The following RELN variants were observed in gnomAD, a reference collection of about 807,000 sequenced individuals.
The protein encoded by RELN is reelin.
A neutral mutation model predicts 427.6 loss-of-function variants in RELN; 108 were observed. The ratio of observed to expected loss-of-function variants is 0.25; its 90% CI spans 0.22 to 0.30. RELN has a LOEUF of 0.30. RELN is among the 10% of genes least tolerant of loss of function. The pLI, the probability that RELN is intolerant of heterozygous loss-of-function variation, is 1.00. For missense variants in RELN, 3,715 were observed against 4,302.8 expected (o/e 0.86, Z 3.82); for synonymous variants, 1,524 against 1,513.4 (o/e 1.01, Z -0.16).
intron 2 of RELN, among the ~76,000 whole-genome samples, chr7:103,880,987 C>A (rs1156254294): frequency 2.6e-5 from 4 of 152,156 alleles, no homozygotes; most frequent in Non-Finnish European, 5.9e-5. Context: ...AACCACCACA[C>A]CCAGCCTATT....
At position 103,636,460 on chromosome 7, in the gene RELN, G is replaced by C. The variant is rs1832583360; in HGVS notation, c.2078C>G (p.Pro693Arg). Residue 693 changes from proline (P) to arginine (R), a missense_variant, in exon 18 of 65, where the codon CCT becomes CGT. Around this residue, in one of 4 missense-constraint regions of RELN, gnomAD observed 2,208 missense variants for 2,361.7 expected, o/e 0.93. Coordinates refer to ENST00000428762, the MANE Select transcript of RELN (RefSeq NM_005045.4). ...CTCACAAGCTGGGCCAGAAAATCCA[G>C]GGTCACACCTGAAAGAAATATGGTG... Reference protein sequence around the residue: ...QCTRHGCKCDPGFSGPACEMA... With the variant: ...QCTRHGCKCDRGFSGPACEMA... 4 of 1,602,710 alleles carry C rather than the reference G, an allele frequency of 2.5e-6. No homozygotes were observed. In the East Asian group the frequency reaches 8.9e-5, roughly 36 times the overall value.
intron 2 of RELN, among the ~76,000 whole-genome samples, chr7:103,886,940 T>A (rs1794737495): frequency 6.6e-6 from 1 of 152,178 alleles, no homozygotes; most frequent in African/African-American, 2.4e-5. Flanking sequence ...TGTAGCAGGA[T>A]AATATACAAA....
Position 103,851,242 on chromosome 7 carries a change from A to G in RELN, c.338-17570T>C, listed in dbSNP as rs925380142. On this transcript the variant is annotated intron_variant, in intron 2 of 64. Coordinates refer to ENST00000428762, the MANE Select transcript of RELN (RefSeq NM_005045.4). ...ACTGAAGTAACTCAGGAATGGAAAAACCAAACATCGTATGTTTTCACTGAT... is the reference window on the plus strand; with the variant it reads ...ACTGAAGTAACTCAGGAATGGAAAAGCCAAACATCGTATGTTTTCACTGAT... 3.2e-4 allele frequency among the ~76,000 whole-genome samples: 48 copies of G among 152,202 alleles called. 1 individual carries two copies. The highest frequency in any genetic ancestry group is 7.3e-5 in the Non-Finnish European group (5 of 68,034).
At chr7:103,686,311 A>C (rs1833763426) in intron 10 of RELN, among the ~76,000 whole-genome samples, 1 of 152,128 alleles carries the variant, frequency 6.6e-6, no homozygotes, top group African/African-American at 2.4e-5. Context: ...TTTGATAGCC[A>C]AGCTGGCTGG....
Position 103,676,437 on chromosome 7 carries a change from T to A in RELN, c.1289+5679A>T, listed in dbSNP as rs552666792. On this transcript the variant is annotated intron_variant, in intron 11 of 64. Transcript: ENST00000428762. ...AGAAATAGGAACACTTTTACACTGTTGGTGGGACTGTAAACTAGTTCAACC... is the reference window on the plus strand; with the variant it reads ...AGAAATAGGAACACTTTTACACTGTAGGTGGGACTGTAAACTAGTTCAACC... Among the ~76,000 whole-genome samples the A allele has an allele frequency of 1.6e-3, 238 of 152,304 alleles. 2 individuals are homozygous for A. Among genetic ancestry groups the A allele is most frequent in the African/African-American group, 5.3e-3 (219 of 41,566 alleles).
At chr7:103,639,402 CTTTTT>C (rs200310506) in intron 17 of RELN, among the ~76,000 whole-genome samples, 4 of 141,252 alleles carry the variant, frequency 2.8e-5, no homozygotes, top group South Asian at 4.5e-4. Flanking sequence ...CTTTTTCTCT[CTTTTT>C]TTTTTTTTTT....
chr7:103,599,727 A>G (rs1246444816), intron 24 of RELN, among the ~76,000 whole-genome samples: 2 of 152,190 alleles, frequency 1.3e-5, no homozygotes, highest in African/African-American at 2.4e-5. Context: ...GATGAAAGGC[A>G]TAATGGTAGG....
intron 2 of RELN, among the ~76,000 whole-genome samples, chr7:103,878,704 G>A (rs62482299): frequency 0.13 from 19,360 of 152,140 alleles, 1,494 homozygotes; most frequent in East Asian, 0.34. Context: ...TGGGGGGCAG[G>A]ATATCAAAAC....
chr7:103,743,324 A>G (rs1315805644), intron 6 of RELN, among the ~76,000 whole-genome samples: 1 of 152,220 alleles, frequency 6.6e-6, no homozygotes, highest in Non-Finnish European at 1.5e-5. Flanking sequence ...AATTGTAAAG[A>G]ACATCAAGGC....
chr7:103,617,938 C>T (rs1160160160), intron 20 of RELN, among the ~76,000 whole-genome samples: 1 of 152,134 alleles, frequency 6.6e-6, no homozygotes, highest in African/African-American at 2.4e-5. Flanking sequence ...TCCTCTGTCA[C>T]CATGTCATCT....
At chr7:103,973,072 G>A (rs967886784) in intron 1 of RELN, among the ~76,000 whole-genome samples, 4 of 152,168 alleles carry the variant, frequency 2.6e-5, no homozygotes, top group Non-Finnish European at 4.4e-5. Flanking sequence ...TAGAATTCCA[G>A]AATTTTGTTG....
chr7:103,611,745 G>A lies in RELN; in HGVS notation c.2761C>T (p.Gln921Ter). The A allele has an allele frequency of 6.2e-7, 1 of 1,613,902 alleles. No individual in the cohort carries two copies. Among genetic ancestry groups the A allele is most frequent in the Non-Finnish European group, 8.5e-7 (1 of 1,179,892 alleles). ...SMRYVETQSM[Q>*]IGASYMIQFS... The stretch of plus-strand genomic sequence containing the variant: ...TGAATCATATAGGATGCTCCTATCT[G>A]CATTGATTGTGTTTCCACATAGCGC... The change falls in exon 21 of 65, where the codon CAG becomes TAG. Residue 921 changes from glutamine to a stop codon, truncating the protein, a stop_gained. Coordinates refer to ENST00000428762, the MANE Select transcript of RELN (RefSeq NM_005045.4). LOFTEE classifies it high-confidence loss of function.
intron 22 of RELN, 93 bp from the exon 23 acceptor site, chr7:103,604,576 T>G: frequency 7.6e-7 from 1 of 1,321,980 alleles, no homozygotes; most frequent in Non-Finnish European, 1.1e-6. Flanking sequence ...TTCAGCTAAC[T>G]AACTTTCTGG....
intron 6 of RELN, among the ~76,000 whole-genome samples, chr7:103,742,035 C>T (rs190569547): frequency 6.6e-6 from 1 of 152,096 alleles, no homozygotes; most frequent in African/African-American, 2.4e-5. Flanking sequence ...CGGACTGACA[C>T]CGCACACGGC....
chr7:103,711,092 A>G (rs58025040), intron 8 of RELN, among the ~76,000 whole-genome samples: 32,357 of 152,182 alleles, frequency 0.21, 4,146 homozygotes, highest in South Asian at 0.37. Context: ...GTACACAGCC[A>G]AAAAGATATA....
intron 11 of RELN, 86 bp downstream of exon 11, chr7:103,682,030 G>T: frequency 7.7e-7 from 1 of 1,292,638 alleles, no homozygotes; most frequent in Non-Finnish European, 1.1e-6. Flanking sequence ...GTATGCTTTC[G>T]CCATTTAACA....
chr7:103,670,732 T>C (rs2115620818), intron 11 of RELN, among the ~76,000 whole-genome samples: 1 of 152,176 alleles, frequency 6.6e-6, no homozygotes, highest in East Asian at 1.9e-4. Flanking sequence ...AGTGAAAATT[T>C]AAATTATCTC....
intron 1 of RELN, among the ~76,000 whole-genome samples, chr7:103,974,557 A>G (rs12532886): frequency 0.029 from 4,443 of 152,318 alleles, 75 homozygotes; most frequent in Admixed American, 0.044. Context: ...GTTAATTTCC[A>G]TAAGTTTGGA....
intron 27 of RELN, among the ~76,000 whole-genome samples, chr7:103,590,861 C>T (rs1407557680): frequency 3.3e-5 from 5 of 152,178 alleles, no homozygotes; most frequent in Admixed American, 2.6e-4. Context: ...GAAGTTATTA[C>T]ACATCTAGAG....
Sources: allele counts gnomAD v4.1 joint callset (sites outside exome capture counted in the v4.1 genomes callset), GRCh38; gene constraint gnomAD v4.1.1; regional missense constraint gnomAD v4.1.1; transcripts MANE v1.5; gene names NCBI Gene and HGNC (gene_info 2026-07-23, HGNC 2026-07-21).